Variants in THSD7B observed in about 807,000 individuals in gnomAD.
The protein encoded by THSD7B is thrombospondin type 1 domain containing 7B.
A neutral mutation model predicts 213.6 loss-of-function variants in THSD7B; 138 were observed. The observed-to-expected ratio is 0.65, with a 90% CI of 0.56 to 0.74. THSD7B has a LOEUF of 0.74. THSD7B is among the 30% of genes least tolerant of loss of function. THSD7B has a pLI of 0.00. For missense variants in THSD7B, 1,931 were observed against 1,991.5 expected (o/e 0.97, Z 0.58); for synonymous variants, 742 against 687.0 (o/e 1.08, Z -1.25).
intron 11 of THSD7B, among the ~76,000 whole-genome samples, chr2:137,274,143 A>C (rs775015656): frequency 6.6e-6 from 1 of 152,122 alleles, no homozygotes; most frequent in Non-Finnish European, 1.5e-5. Context: ...TGCATAGTTC[A>C]AAATGTATCC....
intron 12 of THSD7B, among the ~76,000 whole-genome samples, chr2:137,328,751 G>T (rs1558759543): frequency 6.6e-6 from 1 of 152,200 alleles, no homozygotes; most frequent in Non-Finnish European, 1.5e-5. Flanking sequence ...CATAGTGGCA[G>T]TTTCCCCTAT....
intron 12 of THSD7B, among the ~76,000 whole-genome samples, chr2:137,370,067 G>A (rs1042604831): frequency 6.6e-6 from 1 of 152,026 alleles, no homozygotes; most frequent in Admixed American, 6.6e-5. Context: ...AAATACAAAC[G>A]TATGCTCCTT....
chr2:137,555,660 C>A (rs188079326), intron 15 of THSD7B, among the ~76,000 whole-genome samples: 37 of 152,144 alleles, frequency 2.4e-4, no homozygotes, highest in Admixed American at 1.4e-3. Context: ...AGGAACACAG[C>A]TCCTCACCAG....
intron 14 of THSD7B, among the ~76,000 whole-genome samples, chr2:137,424,225 G>A (rs1029764936): frequency 4.6e-4 from 70 of 151,918 alleles, no homozygotes; most frequent in African/African-American, 1.6e-3. Context: ...AAACTTAAAA[G>A]CATATCTTCT....
At position 137,135,113 on chromosome 2, in the gene THSD7B, A is replaced by T. The variant is rs143927982; in HGVS notation, c.1369+19820A>T. Among the ~76,000 whole-genome samples, 642 of 152,316 alleles carry T rather than the reference A, an allele frequency of 4.2e-3. 3 individuals are homozygous for T. Among genetic ancestry groups the T allele is most frequent in the African/African-American group, 0.015 (616 of 41,566 alleles). ...ATGCTTAGCTTAGCCCCTTCTGTTT[A>T]AAAAGTAGTCAGTAAATGTTAACTC... On this transcript the variant is annotated intron_variant, in intron 5 of 27. Transcript: ENST00000409968.
intron 12 of THSD7B, among the ~76,000 whole-genome samples, chr2:137,375,295 CA>C (rs577960642): frequency 2.4e-4 from 37 of 152,046 alleles, no homozygotes; most frequent in Non-Finnish European, 4.3e-4. Flanking sequence ...ACACTGTACA[CA>C]AAAAACCGGA....
In THSD7B at chr2:137,572,441, T is replaced by A. The variant is rs1407299739; in HGVS notation, c.3308T>A (p.Val1103Glu). ...ACTGCGGATGGTGAAGGTGGAGCAGTGGATAGCAACCTGTGCAACCAGGAT... is the reference window on the plus strand; with the variant it reads ...ACTGCGGATGGTGAAGGTGGAGCAGAGGATAGCAACCTGTGCAACCAGGAT... ...VNTADGEGGA[V>E]DSNLCNQDEI... Residue 1103 changes from valine to glutamate, a missense_variant, in exon 17 of 28, where the codon GTG (valine) becomes GAG (glutamate). Coordinates refer to ENST00000409968, the MANE Select transcript of THSD7B (RefSeq NM_001316349.2). 1.9e-6 allele frequency: 3 copies of A among 1,613,840 alleles called. No individual in the cohort carries two copies. In the Admixed American group the frequency reaches 5.0e-5, roughly 27 times the overall value.
chr2:137,445,122 G>C (rs1017966553), intron 14 of THSD7B, among the ~76,000 whole-genome samples: 1 of 151,948 alleles, frequency 6.6e-6, no homozygotes, highest in Non-Finnish European at 1.5e-5. Context: ...CTCTAGTGAG[G>C]ATATGGAAAA....
At chr2:137,631,212 T>C (rs1682735886) in intron 20 of THSD7B, among the ~76,000 whole-genome samples, 1 of 152,206 alleles carries the variant, frequency 6.6e-6, no homozygotes, top group Non-Finnish European at 1.5e-5. Context: ...CTAAGGGATC[T>C]TTTTAGATAG....
intron 17 of THSD7B, among the ~76,000 whole-genome samples, chr2:137,589,572 T>C (rs1036155127): frequency 6.6e-6 from 1 of 152,226 alleles, no homozygotes; most frequent in African/African-American, 2.4e-5. Context: ...AGAGGCGGTA[T>C]AGTGTTGGGT....
At chr2:137,629,404 A>T (rs1682697468) in intron 20 of THSD7B, among the ~76,000 whole-genome samples, 1 of 152,188 alleles carries the variant, frequency 6.6e-6, no homozygotes, top group African/African-American at 2.4e-5. Context: ...AAGACCCCAA[A>T]TCATAAGTTT....
At chr2:136,804,403 AACACACACACAC>A (rs3030361) in intron 1 of THSD7B, among the ~76,000 whole-genome samples, 17,176 of 148,162 alleles carry the variant, frequency 0.12, 1,154 homozygotes, top group East Asian at 0.23. Context: ...ACACACACAT[AACACACACACAC>A]ACACACACAC....
intron 1 of THSD7B, among the ~76,000 whole-genome samples, chr2:136,865,235 T>TTC (rs1202654092): frequency 6.6e-6 from 1 of 152,208 alleles, no homozygotes; most frequent in Admixed American, 6.5e-5. Flanking sequence ...GAAACCATGC[T>TTC]TCATAGAGAA....
chr2:136,844,771 T>C (rs1682981570), intron 1 of THSD7B, among the ~76,000 whole-genome samples: 1 of 152,180 alleles, frequency 6.6e-6, no homozygotes, highest in Non-Finnish European at 1.5e-5. Flanking sequence ...CTTGCTTGCC[T>C]GAGGTCATGC....
chr2:137,018,363 A>T (rs1372190645), intron 2 of THSD7B, among the ~76,000 whole-genome samples: 4 of 152,168 alleles, frequency 2.6e-5, no homozygotes, highest in Non-Finnish European at 5.9e-5. Flanking sequence ...TTGTTAATAA[A>T]ATAACAAAGA....
Position 137,662,070 on chromosome 2 carries a change from T to C in THSD7B, c.4459-1313T>C, listed in dbSNP as rs1258066759. On this transcript the variant is annotated intron_variant, in intron 25 of 27. Transcript: ENST00000409968. Reference sequence around the variant, plus strand: ...CAGGTGTTTTCTTTTTTCTTTTTTTTTTTTTTTTTGAGATGGAGTCTTGCT... The same window carrying C: ...CAGGTGTTTTCTTTTTTCTTTTTTTCTTTTTTTTTGAGATGGAGTCTTGCT... 3.4e-5 allele frequency among the ~76,000 whole-genome samples: 5 copies of C among 148,462 alleles called. No individual in the cohort carries two copies. In the East Asian group the frequency reaches 7.9e-4, roughly 23 times the overall value.
intron 1 of THSD7B, among the ~76,000 whole-genome samples, chr2:136,836,333 C>T (rs1480958450): frequency 2.6e-5 from 4 of 152,130 alleles, no homozygotes; most frequent in Non-Finnish European, 4.4e-5. Context: ...GGTCCATACT[C>T]AGCTGTTTCC....
intron 1 of THSD7B, among the ~76,000 whole-genome samples, chr2:136,867,852 C>T (rs778180): frequency 0.82 from 124,399 of 152,172 alleles, 51,357 homozygotes; most frequent in Non-Finnish European, 0.88. Flanking sequence ...GTGTTTTGGC[C>T]ACTTTATTAT....
chr2:137,666,278 G>T (rs778704233), intron 26 of THSD7B, among the ~76,000 whole-genome samples: 8 of 152,016 alleles, frequency 5.3e-5, no homozygotes, highest in Non-Finnish European at 8.8e-5. Flanking sequence ...ACTCAGGAAA[G>T]ACTTTTTTTT....
Sources: gnomAD v4.1 joint callset for allele counts (sites outside exome capture counted in the v4.1 genomes callset) on GRCh38, gnomAD v4.1.1 for gene constraint, MANE v1.5 for transcripts, NCBI Gene and HGNC (gene_info 2026-07-23, HGNC 2026-07-21) for gene names.